NLRP1: variants seen among roughly 807,000 people sequenced by gnomAD.
NLRP1 encodes NLR family pyrin domain containing 1, also known as NACHT, LRR and PYD domains-containing protein 1.
In NLRP1, 94 loss-of-function variants were observed where a neutral mutation model predicts 136.7. The observed-to-expected ratio is 0.69, with a 90% CI of 0.58 to 0.82. The LOEUF is 0.82. Ranked by LOEUF, NLRP1 falls within the 40% of genes least tolerant of loss-of-function variation. NLRP1 has a pLI of 0.00. For synonymous variants in NLRP1, 690 were observed against 725.1 expected (o/e 0.95, Z 0.78); for missense variants, 1,575 against 1,802.7 (o/e 0.87, Z 2.29).
chr17:5,513,723 T>C (rs1387004816), downstream of NLRP1, among the ~76,000 whole-genome samples: 5 of 152,258 alleles, frequency 3.3e-5, no homozygotes, highest in South Asian at 8.3e-4. Context: ...AGGACGAGTA[T>C]GTAATGTCTG....
Position 5,540,217 on chromosome 17 carries a change from G to A in NLRP1, c.2700-632C>T, listed in dbSNP as rs182022545. On this transcript the variant is annotated intron_variant, in intron 6 of 16. Transcript: ENST00000572272. Reference sequence around the variant, plus strand: ...AGTCCATGTAGTGAAATTCCATGCTGTGATTAAAAAGAATGATGTGACTTT... The same window carrying A: ...AGTCCATGTAGTGAAATTCCATGCTATGATTAAAAAGAATGATGTGACTTT... Among the ~76,000 whole-genome samples the A allele has an allele frequency of 4.3e-4, 65 of 152,340 alleles. 1 individual carries two copies. Among genetic ancestry groups the A allele is most frequent in the Admixed American group, 4.2e-3 (65 of 15,306 alleles).
intron 3 of NLRP1, among the ~76,000 whole-genome samples, chr17:5,565,586 T>C (rs1205842120): frequency 6.6e-6 from 1 of 152,224 alleles, no homozygotes; most frequent in Non-Finnish European, 1.5e-5. Context: ...TTTTCCCCAA[T>C]GTTTTCTTGT....
rs1169457871 is a variant in NLRP1 at position 5,559,348 on chromosome 17, G to A, written c.1348C>T (p.Pro450Ser). The change falls in exon 4 of 17, where the codon CCC becomes TCC. Residue 450 changes from proline (P) to serine (S), a missense_variant. Pro to Ser is a moderately conservative substitution (Grantham distance 74, BLOSUM62 -1). Coordinates refer to ENST00000572272, the MANE Select transcript of NLRP1 (RefSeq NM_033004.4). ...LGSLLGKTILPEASFLITART... is the reference protein window; with the variant it reads ...LGSLLGKTILSEASFLITART... ...GCCGTGATCAGGAAGGATGCCTCGG[G>A]AAGTATAGTTTTCCCCAGCAAACTG... The A allele has an allele frequency of 1.3e-5, 21 of 1,613,996 alleles. No individual in the cohort carries two copies. The highest frequency in any genetic ancestry group is 1.7e-4 in the Middle Eastern group (1 of 6,060).
Position 5,582,743 on chromosome 17 carries a change from C to G in NLRP1, c.375G>C (p.Pro125=). ...TCTCTGAGCCCTGGGTGCACCCCGCCGGCAATTCATGGATCCAGGGCATTA... is the reference window on the plus strand; with the variant it reads ...TCTCTGAGCCCTGGGTGCACCCCGCGGGCAATTCATGGATCCAGGGCATTA... The part of the protein sequence containing the change: ...AVLMPWIHEL[P]AGCTQGSERR... The change falls in exon 2 of 17, where the codon CCG becomes CCC. Residue 125 remains proline, a synonymous_variant. Coordinates refer to ENST00000572272, the MANE Select transcript of NLRP1 (RefSeq NM_033004.4). 1 of 1,614,108 alleles carries G rather than the reference C, an allele frequency of 6.2e-7. No homozygotes were observed. Among genetic ancestry groups the G allele is most frequent in the Non-Finnish European group, 8.5e-7 (1 of 1,180,004 alleles).
chr17:5,544,088 A>G (rs1912230184), intron 5 of NLRP1, among the ~76,000 whole-genome samples: 1 of 152,164 alleles, frequency 6.6e-6, no homozygotes, highest in African/African-American at 2.4e-5. Context: ...CTCAGCTCAT[A>G]GGTGATGCCA....
At position 5,547,307 on chromosome 17, in the gene NLRP1, A is replaced by G. The variant is rs566292608; in HGVS notation, c.2529-5280T>C. ...ACATGACCCTAAGTACATAGCATACATGATCTCCTTTGACTTTGCAGCCAC... is the reference window on the plus strand; with the variant it reads ...ACATGACCCTAAGTACATAGCATACGTGATCTCCTTTGACTTTGCAGCCAC... On this transcript the variant is annotated intron_variant, in intron 5 of 16. Transcript: ENST00000572272. Among the ~76,000 whole-genome samples, 11 of 152,350 alleles carry G rather than the reference A, an allele frequency of 7.2e-5. No individual in the cohort carries two copies. The East Asian group carries it at 2.1e-3, about 29-fold the overall frequency.
At chr17:5,535,198 T>C (rs1002913612) in intron 8 of NLRP1, among the ~76,000 whole-genome samples, 7 of 151,522 alleles carry the variant, frequency 4.6e-5, no homozygotes, top group Admixed American at 4.6e-4. Context: ...CCAGCCTGGG[T>C]GACAGAGCGA....
At chr17:5,540,661 A>T (rs893135372) in intron 6 of NLRP1, among the ~76,000 whole-genome samples, 9 of 152,082 alleles carry the variant, frequency 5.9e-5, no homozygotes, top group African/African-American at 2.2e-4. Context: ...TCTTCTGTAG[A>T]TGTAGCGAGG....
At chr17:5,525,829 G>C (rs1413418979) in intron 12 of NLRP1, among the ~76,000 whole-genome samples, 1 of 152,170 alleles carries the variant, frequency 6.6e-6, no homozygotes, top group African/African-American at 2.4e-5. Context: ...AAGCCCTGGG[G>C]ATAATAAGGA....
chr17:5,565,841 C>T (rs537638745), intron 3 of NLRP1, among the ~76,000 whole-genome samples: 6 of 152,200 alleles, frequency 3.9e-5, no homozygotes, highest in South Asian at 2.1e-4. Flanking sequence ...CTTTTTATTA[C>T]GGCTTCCATG....
chr17:5,563,552 A>C (rs1339531242), intron 3 of NLRP1, among the ~76,000 whole-genome samples: 1 of 152,232 alleles, frequency 6.6e-6, no homozygotes, highest in Admixed American at 6.5e-5. Flanking sequence ...TGGTTCTCCA[A>C]ATTAACTCAG....
At chr17:5,519,445 C>CTTT (rs74550306) in intron 14 of NLRP1, among the ~76,000 whole-genome samples, 3 of 131,788 alleles carry the variant, frequency 2.3e-5, no homozygotes, top group Non-Finnish European at 4.9e-5. Flanking sequence ...CACACCTGGC[C>CTTT]TTTTTTTTTT....
chr17:5,545,293 G>A (rs1303981279), intron 5 of NLRP1, among the ~76,000 whole-genome samples: 1 of 151,818 alleles, frequency 6.6e-6, no homozygotes, highest in Non-Finnish European at 1.5e-5. Flanking sequence ...AGGTGACAGA[G>A]CGAAACCCCA....
At chr17:5,529,883 C>T (rs73342916) in intron 12 of NLRP1, 2 of 419,402 alleles carry the variant, frequency 4.8e-6, no homozygotes, top group African/African-American at 4.1e-5. Flanking sequence ...ACTTCTGGTG[C>T]CTTGTTTCCC....
In NLRP1 at chr17:5,533,120, T is replaced by C; in HGVS notation, c.3134-136A>G. ...CAGGGAGTGTGTCTGCAGCTTCTGCTCCTGCTCCATGGCTGCCTGCCTGCT... is the reference window on the plus strand; with the variant it reads ...CAGGGAGTGTGTCTGCAGCTTCTGCCCCTGCTCCATGGCTGCCTGCCTGCT... On this transcript the variant is annotated intron_variant, in intron 10 of 16. Transcript: ENST00000572272. The C allele has an allele frequency of 2.1e-6, 3 of 1,426,050 alleles. No homozygotes were observed. In the Middle Eastern group the frequency reaches 6.2e-4, roughly 297 times the overall value. The allele number at this position is 1,426,050 out of a possible 1,614,324, so 88.3% of individuals were successfully genotyped here.
chr17:5,539,341 TC>T (rs1215550955), intron 7 of NLRP1, 73 bp downstream of exon 7: 94 of 1,431,222 alleles, frequency 6.6e-5, no homozygotes, highest in Non-Finnish European at 8.4e-5. Context: ...CATTTATCAG[TC>T]CTTTTTCCAT....
At chr17:5,517,071 C>T (rs1454056441) in intron 15 of NLRP1, among the ~76,000 whole-genome samples, 1 of 152,154 alleles carries the variant, frequency 6.6e-6, no homozygotes, top group African/African-American at 2.4e-5. Context: ...CGGTTTAACC[C>T]ATACGACCAT....
Position 5,541,952 on chromosome 17 carries a change from G to C in NLRP1, c.2604C>G (p.Thr868=). The stretch of plus-strand genomic sequence containing the variant: ...GCACATTGAAGCTCAGGTCCAGCTC[G>C]GTCAGGGTCTGGTTGGCTCTCAGCC... The part of the protein sequence containing the change: ...AFGLRANQTL[T]ELDLSFNVLT... Residue 868 remains threonine, a synonymous_variant, in exon 6 of 17, where the codon ACC becomes ACG. Coordinates refer to ENST00000572272, the MANE Select transcript of NLRP1 (RefSeq NM_033004.4). This position sits in a 1 kb window ranked among gnomAD's most constrained non-coding sequence, Gnocchi z 4.2. The C allele has an allele frequency of 6.2e-7, 1 of 1,614,148 alleles. No individual in the cohort carries two copies. Among genetic ancestry groups the C allele is most frequent in the Non-Finnish European group, 8.5e-7 (1 of 1,180,022 alleles).
chr17:5,525,327 T>C (rs1331987871), intron 12 of NLRP1, among the ~76,000 whole-genome samples: 3 of 152,096 alleles, frequency 2.0e-5, no homozygotes, highest in South Asian at 2.1e-4. Context: ...AGACAGCAAA[T>C]AGAACAATGG....
Sources: gnomAD v4.1 joint callset for allele counts (sites outside exome capture counted in the v4.1 genomes callset) on GRCh38, gnomAD v4.1.1 for gene constraint, Gnocchi (gnomAD v3.1) non-coding constraint, MANE v1.5 for transcripts, NCBI Gene and HGNC (gene_info 2026-07-23, HGNC 2026-07-21) for gene names.